Variants in TESK2 observed in about 807,000 individuals in gnomAD.
The protein encoded by TESK2 is testis associated actin remodelling kinase 2.
A neutral mutation model predicts 57.1 loss-of-function variants in TESK2; 39 were observed. That is an observed-to-expected ratio of 0.68 (90% CI 0.53 to 0.89). The LOEUF (loss-of-function observed/expected upper bound fraction) is 0.89. TESK2 is among the 40% of genes least tolerant of loss of function. The probability of loss-of-function intolerance (pLI) is 0.00; values close to 1 mark genes in which losing one functional copy is unlikely to be tolerated. For missense variants in TESK2, 646 were observed against 732.1 expected (o/e 0.88, Z 1.36); for synonymous variants, 249 against 267.9 (o/e 0.93, Z 0.69).
At chr1:45,454,927 A>G (rs1652013234) in intron 2 of TESK2, among the ~76,000 whole-genome samples, 2 of 152,194 alleles carry the variant, frequency 1.3e-5, no homozygotes, top group Admixed American at 6.5e-5. Context: ...CCACTTATAT[A>G]AGGTACCTAG....
intron 3 of TESK2, among the ~76,000 whole-genome samples, chr1:45,409,649 G>T (rs1031178213): frequency 6.6e-6 from 1 of 152,196 alleles, no homozygotes; most frequent in Non-Finnish European, 1.5e-5. Flanking sequence ...GGCTAGAGTA[G>T]TAAGTGTAGA....
intron 1 of TESK2, among the ~76,000 whole-genome samples, chr1:45,459,472 TA>T (rs1314031084): frequency 5.9e-5 from 9 of 152,188 alleles, no homozygotes; most frequent in Non-Finnish European, 1.0e-4. Flanking sequence ...ACAAAACATT[TA>T]AGTACCTCTA....
intron 3 of TESK2, among the ~76,000 whole-genome samples, chr1:45,407,350 G>A (rs768511612): frequency 3.3e-5 from 5 of 152,112 alleles, no homozygotes; most frequent in African/African-American, 7.2e-5. Flanking sequence ...GTGAGCCACC[G>A]TGCCTGGCCA....
chr1:45,412,454 A>T (rs1017978424), intron 3 of TESK2, among the ~76,000 whole-genome samples: 1 of 152,348 alleles, frequency 6.6e-6, no homozygotes, highest in East Asian at 1.9e-4. Context: ...TGAGACTGGG[A>T]AAATATCCTG....
At chr1:45,406,385 C>T (rs1372300852) in intron 3 of TESK2, among the ~76,000 whole-genome samples, 1 of 152,122 alleles carries the variant, frequency 6.6e-6, no homozygotes, top group East Asian at 1.9e-4. Flanking sequence ...GTGGCTCATG[C>T]CTGTAATCCC....
intron 5 of TESK2, among the ~76,000 whole-genome samples, chr1:45,348,431 T>C (rs2185549): frequency 0.27 from 41,392 of 152,110 alleles, 5,919 homozygotes; most frequent in Admixed American, 0.41. Flanking sequence ...CAACTTGATA[T>C]AAGCACAAGA....
chr1:45,449,039 A>G (rs890225101), intron 2 of TESK2, among the ~76,000 whole-genome samples: 1 of 151,990 alleles, frequency 6.6e-6, no homozygotes, highest in African/African-American at 2.4e-5. Context: ...CCTGGCCAAG[A>G]TGGTGAAACC....
intron 4 of TESK2, among the ~76,000 whole-genome samples, chr1:45,360,360 C>T (rs1391193330): frequency 6.6e-6 from 1 of 152,042 alleles, no homozygotes; most frequent in African/African-American, 2.4e-5. Context: ...TGTGATATGT[C>T]GGGCCTGTCT....
chr1:45,396,815 T>G (rs1277324246), intron 3 of TESK2, among the ~76,000 whole-genome samples: 5 of 137,086 alleles, frequency 3.6e-5, no homozygotes, highest in Non-Finnish European at 4.7e-5. Context: ...GTTTTTTTTT[T>G]TTTTTTTTTT....
intron 4 of TESK2, among the ~76,000 whole-genome samples, chr1:45,376,382 A>ATTTT (rs201233772): frequency 7.0e-6 from 1 of 142,126 alleles, no homozygotes; most frequent in Non-Finnish European, 1.5e-5. Flanking sequence ...CGTCTGGCTA[A>ATTTT]TTTTTTTTTT....
intron 5 of TESK2, among the ~76,000 whole-genome samples, chr1:45,348,560 C>T (rs1229259589): frequency 2.0e-5 from 3 of 152,232 alleles, no homozygotes; most frequent in Non-Finnish European, 4.4e-5. Flanking sequence ...TCCCCCTGTT[C>T]CTGGTGCCCC....
intron 3 of TESK2, among the ~76,000 whole-genome samples, chr1:45,407,631 C>T (rs918997569): frequency 2.4e-4 from 36 of 152,058 alleles, no homozygotes; most frequent in Non-Finnish European, 4.3e-4. Flanking sequence ...GTAAGTCTCA[C>T]GATATCTGAT....
intron 1 of TESK2, among the ~76,000 whole-genome samples, chr1:45,489,320 A>C (rs540658974): frequency 1.3e-5 from 2 of 152,246 alleles, no homozygotes; most frequent in African/African-American, 4.8e-5. Context: ...CCTTTCAAAC[A>C]ATGATGCTCC....
At chr1:45,411,011 T>A (rs575516324) in intron 3 of TESK2, among the ~76,000 whole-genome samples, 2 of 152,306 alleles carry the variant, frequency 1.3e-5, no homozygotes, top group Admixed American at 1.3e-4. Flanking sequence ...TAAACTACCT[T>A]TGTAAAACTA....
chr1:45,432,507 C>CA (rs1557571507), intron 2 of TESK2, among the ~76,000 whole-genome samples: 2 of 151,020 alleles, frequency 1.3e-5, no homozygotes, highest in East Asian at 4.1e-4. Context: ...CTGGCTAACA[C>CA]GGTGAAACCC....
chr1:45,455,087 C>A (rs1034487148), intron 2 of TESK2, among the ~76,000 whole-genome samples: 1 of 152,128 alleles, frequency 6.6e-6, no homozygotes, highest in African/African-American at 2.4e-5. Context: ...TGGCCCACTT[C>A]CTGGTTGCTA....
chr1:45,451,506 G>C (rs536461392), intron 2 of TESK2, among the ~76,000 whole-genome samples: 1 of 152,164 alleles, frequency 6.6e-6, no homozygotes, highest in Non-Finnish European at 1.5e-5. Flanking sequence ...CTAGCCACAT[G>C]CTGCCTGCCC....
rs965743296 is a variant in TESK2, at chr1:45,344,860, G to T, written c.1696C>A (p.Gln566Lys). ...CCCCCTCACCCATCCTGCTTTCCCT[G>T]GGTTTGCAGGCCTATGCCTGAGGTG... is the stretch of plus-strand genomic sequence containing the variant. ...FSTSGIGLQT[Q>K]GKQDG Residue 566 changes from glutamine (Q) to lysine (K), a missense_variant, in exon 11 of 11, where the codon CAG becomes AAG. Transcript: ENST00000372086. 13 of 1,612,844 alleles carry T rather than the reference G, an allele frequency of 8.1e-6. No homozygotes were observed. Among genetic ancestry groups the T allele is most frequent in the Non-Finnish European group, 1.0e-5 (12 of 1,179,934 alleles).
intron 1 of TESK2, among the ~76,000 whole-genome samples, chr1:45,458,798 T>C (rs1419781598): frequency 6.6e-6 from 1 of 152,078 alleles, no homozygotes; most frequent in Non-Finnish European, 1.5e-5. Flanking sequence ...AAAAGCACAG[T>C]CCAGTAGAAG....
Sources: gnomAD v4.1 joint callset for allele counts (sites outside exome capture counted in the v4.1 genomes callset) on GRCh38, gnomAD v4.1.1 for gene constraint, MANE v1.5 for transcripts, NCBI Gene and HGNC (gene_info 2026-07-23, HGNC 2026-07-21) for gene names.